Variants in SCAP observed in about 807,000 individuals in gnomAD.
The protein encoded by SCAP is sterol regulatory element-binding protein cleavage-activating protein.
In SCAP, 65 loss-of-function variants were observed where a neutral mutation model predicts 123.6. The observed-to-expected ratio is 0.53, with a 90% CI of 0.43 to 0.65. SCAP has a LOEUF of 0.65. Among genes scored for constraint, SCAP ranks in the 30% least tolerant of loss-of-function variants. SCAP has a pLI of 0.00. For synonymous variants in SCAP, 740 were observed against 726.3 expected, an observed-to-expected ratio of 1.02 and a Z score of -0.30; for missense variants, 1,398 against 1,712.5, an observed-to-expected ratio of 0.82 and a Z score of 3.24.
intron 2 of SCAP, among the ~76,000 whole-genome samples, chr3:47,441,208 C>T (rs1015256744): frequency 6.6e-6 from 1 of 152,048 alleles, no homozygotes; most frequent in African/African-American, 2.4e-5. Flanking sequence ...CCAGGTCTTT[C>T]CTCTTAAAAG....
Position 47,418,243 on chromosome 3 carries a change from C to G in SCAP, c.2338G>C (p.Glu780Gln). 1 of 1,564,684 alleles carries G rather than the reference C, an allele frequency of 6.4e-7. No individual in the cohort carries two copies. Among genetic ancestry groups the G allele is most frequent in the Non-Finnish European group, 8.7e-7 (1 of 1,155,000 alleles). The change falls in exon 16 of 23, where the codon GAG becomes CAG. Residue 780 changes from glutamate (E) to glutamine (Q), a missense_variant. By Grantham distance (29) the Glu-to-Gln change is conservative. This residue lies in a region of SCAP where 828 missense variants were observed against 882.5 expected (regional missense o/e 0.94). Coordinates refer to ENST00000265565, the MANE Select transcript of SCAP (RefSeq NM_012235.4). ...AGCATGCCGTCGCTGGCCAGGCACT[C>G]GATGTCCTGCAGAAGCCCGGTGTTG... ...LVLRGHLMDI[E>Q]CLASDGMLLV...
upstream of SCAP, chr3:47,476,108 G>C (rs1708264775): frequency 6.6e-6 from 1 of 152,236 alleles, no homozygotes; most frequent in Admixed American, 6.5e-5. Context: ...GGGCCGGGCG[G>C]AGCGTGAAGC....
chr3:47,462,796 C>A (rs1218373590), intron 1 of SCAP, among the ~76,000 whole-genome samples: 1 of 151,272 alleles, frequency 6.6e-6, no homozygotes, highest in Non-Finnish European at 1.5e-5. Context: ...AGGAAAACAC[C>A]TACTTATTTC....
rs765352248 is a variant in SCAP, at chr3:47,425,535, C to T, written c.987G>A (p.Met329Ile). Residue 329 changes from methionine to isoleucine, a missense_variant, in exon 8 of 23, where the codon ATG (methionine) becomes ATA (isoleucine). Met to Ile is a conservative substitution (Grantham distance 10, BLOSUM62 1). Transcript: ENST00000265565. ...AVVTVLSSLL[M>I]SVGLCTLFGL... ...CGAAGAGTGTGCAGAGTCCCACAGA[C>T]ATGAGCAGCGAGCTGAGCACTGTGA... The T allele has an allele frequency of 6.2e-7, 1 of 1,614,086 alleles. No individual in the cohort carries two copies. Among genetic ancestry groups the T allele is most frequent in the South Asian group, 1.1e-5 (1 of 91,090 alleles).
rs1705658331 is a variant in SCAP at position 47,417,694 on chromosome 3, G to GC, written c.2579dup (p.Pro862SerfsTer11). 1 of 1,607,960 alleles carries GC rather than the reference G, an allele frequency of 6.2e-7. No homozygotes were observed. Among genetic ancestry groups the GC allele is most frequent in the Non-Finnish European group, 8.5e-7 (1 of 1,178,502 alleles). ...CCCCGAAGAGGGAAGGCGGCGGAGG[G>GC]CCCCGGGGGCGGTGTCTCAGGGGAG... On this transcript the variant is annotated frameshift_variant, in exon 17 of 23. Coordinates refer to ENST00000265565, the MANE Select transcript of SCAP (RefSeq NM_012235.4). LOFTEE classifies it high-confidence loss of function.
chr3:47,415,424 T>C (rs1705530066), intron 18 of SCAP, among the ~76,000 whole-genome samples: 1 of 152,154 alleles, frequency 6.6e-6, no homozygotes, highest in South Asian at 2.1e-4. Flanking sequence ...AGGGTGGTCA[T>C]GAGAATCAAG....
chr3:47,435,948 G>A (rs1706562602), intron 2 of SCAP, among the ~76,000 whole-genome samples: 1 of 152,036 alleles, frequency 6.6e-6, no homozygotes, highest in South Asian at 2.1e-4. Flanking sequence ...TACTCAGGAG[G>A]CTTAGGTGGG....
chr3:47,417,613 G>A lies in SCAP; in HGVS notation c.2661C>T (p.Ser887=), dbSNP rs1015247032. 1 of 1,605,696 alleles carries A rather than the reference G, an allele frequency of 6.2e-7. No individual in the cohort carries two copies. Among genetic ancestry groups the A allele is most frequent in the Non-Finnish European group, 8.5e-7 (1 of 1,177,272 alleles). ...IDTNFSAQPR[S]SQPTQPEPRH... is the part of the protein sequence containing the mutation. ...GGGGCTCGGGCTGAGTGGGCTGTGA[G>A]GACCGAGGCTGCGCTGAAAAGTTGG... The change falls in exon 17 of 23, where the codon TCC becomes TCT. Residue 887 remains serine (S), a synonymous_variant. Coordinates refer to ENST00000265565, the MANE Select transcript of SCAP (RefSeq NM_012235.4).
chr3:47,429,878 C>G (rs1199678110), intron 3 of SCAP, among the ~76,000 whole-genome samples: 2 of 152,196 alleles, frequency 1.3e-5, no homozygotes, highest in Non-Finnish European at 2.9e-5. Flanking sequence ...CTCTACACTC[C>G]CCAAAGCATG....
chr3:47,418,346 G>A lies in SCAP; in HGVS notation c.2306C>T (p.Pro769Leu). 6.4e-7 allele frequency: 1 copy of A among 1,569,588 alleles called. No homozygotes were observed. The highest frequency in any genetic ancestry group is 8.6e-7 in the Non-Finnish European group (1 of 1,158,542). Residue 769 changes from proline to leucine, a missense_variant, in exon 15 of 23, where the codon CCG becomes CTG. Around this residue, in one of 7 missense-constraint regions of SCAP, gnomAD observed 828 missense variants for 882.5 expected, o/e 0.94. Coordinates refer to ENST00000265565, the MANE Select transcript of SCAP (RefSeq NM_012235.4). Reference sequence around the variant, plus strand: ...CATGAGGTGGCCGCGCAGCACAAGCGGCACGATCTCCGTCTCGGGTGGCGC... The same window carrying A: ...CATGAGGTGGCCGCGCAGCACAAGCAGCACGATCTCCGTCTCGGGTGGCGC... ...GYAPPETEIV[P>L]LVLRGHLMDI...
chr3:47,476,495 C>CT, upstream of SCAP, among the ~76,000 whole-genome samples: 1 of 152,332 alleles, frequency 6.6e-6, no homozygotes, highest in Non-Finnish European at 1.5e-5. Flanking sequence ...GGCCGAGATA[C>CT]ACTGCAAATG....
intron 10 of SCAP, 48 bp downstream of exon 10, chr3:47,422,394 C>G (rs199682625): frequency 1.3e-6 from 2 of 1,531,236 alleles, no homozygotes; most frequent in African/African-American, 2.7e-5. Context: ...CTGGGGAGCA[C>G]AGCAGTTGCT....
In SCAP at chr3:47,417,818, C is replaced by G. The variant is rs567401477; in HGVS notation, c.2456G>C (p.Arg819Pro). 1 of 1,378,220 alleles carries G rather than the reference C, an allele frequency of 7.3e-7. No homozygotes were observed. Among genetic ancestry groups the G allele is most frequent in the South Asian group, 1.2e-5 (1 of 83,136 alleles). 85.4% of individuals were successfully genotyped at this position (1,378,220 alleles called of 1,614,324 possible). A position where few individuals can be genotyped will look rare whatever the true frequency, so the allele number is the denominator to read the frequency against. ...CCCGCTGCCCACGCCACTGTCCCGGCGCTGCCTGCTGGGGGCCAGGAGGGC... is the reference window on the plus strand; with the variant it reads ...CCCGCTGCCCACGCCACTGTCCCGGGGCTGCCTGCTGGGGGCCAGGAGGGC... The part of the protein sequence containing the change: ...LTRIPRPGRQ[R>P]RDSGVGSGLE... The change falls in exon 17 of 23, where the codon CGC (arginine) becomes CCC (proline). Residue 819 changes from arginine (R) to proline (P), a missense_variant. Coordinates refer to ENST00000265565, the MANE Select transcript of SCAP (RefSeq NM_012235.4).
Position 47,419,061 on chromosome 3 carries a change from GCCGTGTGGGGT to G in SCAP, c.1941-229_1941-219del, listed in dbSNP as rs1705776002. 6.6e-6 allele frequency among the ~76,000 whole-genome samples: 1 copy of G among 152,158 alleles called. No individual in the cohort carries two copies. Among genetic ancestry groups the G allele is most frequent in the Non-Finnish European group, 1.5e-5 (1 of 68,020 alleles). ...TACCAGCACCCAAACAGCCCTGGTGGCCGTGTGGGGTATCTCCCTCCCCACTCCTGGCACAG... is the reference window on the plus strand; with the variant it reads ...TACCAGCACCCAAACAGCCCTGGTGGATCTCCCTCCCCACTCCTGGCACAG... On this transcript the variant is annotated intron_variant, in intron 13 of 22. Coordinates refer to ENST00000265565, the MANE Select transcript of SCAP (RefSeq NM_012235.4). The surrounding 1 kb of genome is among the most constrained non-coding windows in gnomAD (Gnocchi z 5.0).
At chr3:47,443,502 C>A (rs1237864420) in intron 1 of SCAP, among the ~76,000 whole-genome samples, 1 of 152,120 alleles carries the variant, frequency 6.6e-6, no homozygotes, top group Admixed American at 6.6e-5. Context: ...AAGTCCTTTA[C>A]ATAGGGATAC....
rs376691812 is a variant in SCAP at position 47,423,389 on chromosome 3, C to T, written c.1150+544G>A. On this transcript the variant is annotated intron_variant, in intron 9 of 22. Coordinates refer to ENST00000265565, the MANE Select transcript of SCAP (RefSeq NM_012235.4). ...TGAGGCAGTAAGAGAAAATACTAGG[C>T]GCTAAACTCCCCAGACAGAAAGCCA... is the stretch of plus-strand genomic sequence containing the variant. Among the ~76,000 whole-genome samples the T allele has an allele frequency of 2.1e-4, 32 of 152,176 alleles. 1 individual carries two copies. Among genetic ancestry groups the T allele is most frequent in the East Asian group, 1.3e-3 (7 of 5,190 alleles).
At chr3:47,458,929 G>A (rs182187506) in intron 1 of SCAP, among the ~76,000 whole-genome samples, 2 of 152,188 alleles carry the variant, frequency 1.3e-5, no homozygotes, top group East Asian at 1.9e-4. Flanking sequence ...CCTCAGCCTC[G>A]CAAGTAGCTG....
At chr3:47,466,397 G>A (rs1027175775) in intron 1 of SCAP, among the ~76,000 whole-genome samples, 1 of 152,124 alleles carries the variant, frequency 6.6e-6, no homozygotes, top group Non-Finnish European at 1.5e-5. Flanking sequence ...ACACACATGT[G>A]AGATGAGTCA....
chr3:47,434,211 A>T (rs1004200129), intron 3 of SCAP, among the ~76,000 whole-genome samples: 2 of 152,218 alleles, frequency 1.3e-5, no homozygotes, highest in Admixed American at 6.5e-5. Context: ...ACTGTCAGAG[A>T]GAAGGGGGAG....
Sources: allele counts gnomAD v4.1 joint callset (sites outside exome capture counted in the v4.1 genomes callset), GRCh38; gene constraint gnomAD v4.1.1; regional missense constraint gnomAD v4.1.1; non-coding constraint Gnocchi (gnomAD v3.1); transcripts MANE v1.5; gene names NCBI Gene and HGNC (gene_info 2026-07-23, HGNC 2026-07-21).